The following UVRAG variants were observed in gnomAD, a reference collection of about 807,000 sequenced individuals.
The protein encoded by UVRAG is UV radiation resistance-associated gene protein.
Under a neutral mutation model 78.0 loss-of-function variants are expected in UVRAG, and 19 were observed. The observed-to-expected ratio is 0.24, with a 90% CI of 0.17 to 0.36. The LOEUF is 0.36. Among genes scored for constraint, UVRAG ranks in the 10% least tolerant of loss-of-function variants. The pLI is 1.00. For synonymous variants in UVRAG, 323 were observed against 324.6 expected, an observed-to-expected ratio of 1.00 and a Z score of 0.05; for missense variants, 740 against 853.8, an observed-to-expected ratio of 0.87 and a Z score of 1.66.
chr11:76,065,789 G>A lies in UVRAG; in HGVS notation c.1305+1G>A, dbSNP rs1386542785. ...TCTTCTGAACAAAAATATAGCACAG[G>A]TAAGTCTCTGTTCTTCACTTCTCTC... On this transcript the variant is annotated splice_donor_variant, in intron 13 of 14. Transcript: ENST00000356136. LOFTEE classifies it high-confidence loss of function. 1 of 1,613,140 alleles carries A rather than the reference G, an allele frequency of 6.2e-7. No homozygotes were observed. Among genetic ancestry groups the A allele is most frequent in the Admixed American group, 1.7e-5 (1 of 59,998 alleles).
Position 76,064,294 on chromosome 11 carries a change from G to A in UVRAG, c.1227-1416G>A, listed in dbSNP as rs576678662. 1.3e-4 allele frequency among the ~76,000 whole-genome samples: 20 copies of A among 152,326 alleles called. No homozygotes were observed. In the South Asian group the frequency reaches 3.9e-3, roughly 30 times the overall value. The stretch of plus-strand genomic sequence containing the variant: ...AACAGCTAGACAGCACAGAGGTTTA[G>A]GACCGTAGTAGATTTTCTCTAAAGT... On this transcript the variant is annotated intron_variant, in intron 12 of 14. Transcript: ENST00000356136.
At chr11:76,095,808 T>G (rs1444040015) in intron 13 of UVRAG, among the ~76,000 whole-genome samples, 1 of 149,440 alleles carries the variant, frequency 6.7e-6, no homozygotes, top group Non-Finnish European at 1.5e-5. Flanking sequence ...TAGTTTAAGG[T>G]TGCAGTGAGC....
chr11:75,988,156 A>C (rs1949537506), intron 8 of UVRAG, among the ~76,000 whole-genome samples: 1 of 152,188 alleles, frequency 6.6e-6, no homozygotes, highest in South Asian at 2.1e-4. Flanking sequence ...CAAATTAATC[A>C]ATTTAAAATA....
At chr11:75,867,025 A>G (rs1196117839) in intron 3 of UVRAG, among the ~76,000 whole-genome samples, 1 of 152,180 alleles carries the variant, frequency 6.6e-6, no homozygotes, top group Non-Finnish European at 1.5e-5. Flanking sequence ...TCCTATTAGC[A>G]ATAAAATATT....
intron 13 of UVRAG, among the ~76,000 whole-genome samples, chr11:76,091,942 G>A (rs1045313167): frequency 8.6e-5 from 13 of 151,750 alleles, no homozygotes; most frequent in Middle Eastern, 3.4e-3. Context: ...CCATTAATTC[G>A]TCATTTACAT....
At chr11:76,109,684 G>C (rs1952036155) in intron 13 of UVRAG, among the ~76,000 whole-genome samples, 1 of 152,192 alleles carries the variant, frequency 6.6e-6, no homozygotes, top group African/African-American at 2.4e-5. Flanking sequence ...TGAATGAATA[G>C]AACGTGTGGA....
At chr11:75,942,375 A>G (rs1177516249) in intron 6 of UVRAG, 5 of 152,502 alleles carry the variant, frequency 3.3e-5, no homozygotes, top group Non-Finnish European at 7.4e-5. Flanking sequence ...TAAAATATAT[A>G]TTTTTTCTTT....
At chr11:76,021,930 T>C (rs534950796) in intron 12 of UVRAG, among the ~76,000 whole-genome samples, 41 of 152,260 alleles carry the variant, frequency 2.7e-4, no homozygotes, top group African/African-American at 9.1e-4. Flanking sequence ...GGTGTGCACC[T>C]ATAGTCCCAG....
intron 6 of UVRAG, among the ~76,000 whole-genome samples, chr11:75,926,739 A>G (rs557788180): frequency 6.6e-6 from 1 of 152,206 alleles, no homozygotes; most frequent in South Asian, 2.1e-4. Context: ...GGCCAGGAAG[A>G]TAAATGATTT....
chr11:75,975,599 T>A (rs568161677), intron 7 of UVRAG, among the ~76,000 whole-genome samples: 2 of 152,352 alleles, frequency 1.3e-5, no homozygotes, highest in Admixed American at 6.5e-5. Context: ...GTAAGTTGGA[T>A]TCCTAGGTAT....
chr11:75,938,987 C>T (rs772286069), intron 6 of UVRAG, among the ~76,000 whole-genome samples: 8 of 152,082 alleles, frequency 5.3e-5, no homozygotes, highest in Non-Finnish European at 8.8e-5. Flanking sequence ...AGCATTAAGC[C>T]GGGGCAATTG....
chr11:75,946,010 A>T (rs1022967544), intron 6 of UVRAG, among the ~76,000 whole-genome samples: 1 of 152,166 alleles, frequency 6.6e-6, no homozygotes, highest in Non-Finnish European at 1.5e-5. Flanking sequence ...TGCTGTTATG[A>T]TTGTTTACAA....
chr11:76,136,229 A>C (rs1952595260), intron 14 of UVRAG, among the ~76,000 whole-genome samples: 1 of 152,192 alleles, frequency 6.6e-6, no homozygotes, highest in African/African-American at 2.4e-5. Context: ...GGTCTTTCTG[A>C]AAACCTTCCA....
At chr11:76,000,215 A>G (rs1411399317) in intron 8 of UVRAG, among the ~76,000 whole-genome samples, 1 of 152,246 alleles carries the variant, frequency 6.6e-6, no homozygotes, top group African/African-American at 2.4e-5. Flanking sequence ...TGAATATTCT[A>G]GTTACAAAAG....
intron 5 of UVRAG, among the ~76,000 whole-genome samples, chr11:75,907,486 G>A (rs767587791): frequency 3.3e-5 from 5 of 151,650 alleles, no homozygotes; most frequent in Non-Finnish European, 7.4e-5. Flanking sequence ...GTGTGTTGTG[G>A]TGTATTACAC....
At chr11:75,856,482 ACT>A (rs1451870903) in intron 2 of UVRAG, among the ~76,000 whole-genome samples, 1 of 151,706 alleles carries the variant, frequency 6.6e-6, no homozygotes, top group Non-Finnish European at 1.5e-5. Flanking sequence ...ACAGAGTCTG[ACT>A]CTGTCAACCA....
rs544109259 is a variant in UVRAG at position 75,843,314 on chromosome 11, G to T, written c.118-8569G>T. On this transcript the variant is annotated intron_variant, in intron 1 of 14. Transcript: ENST00000356136. ...GAAATGATCATTTTCTAAAATACGG[G>T]TATGTTTAATAAAGTGAAACATTTC... is the stretch of plus-strand genomic sequence containing the variant. 3.9e-5 allele frequency among the ~76,000 whole-genome samples: 6 copies of T among 152,240 alleles called. No homozygotes were observed. The East Asian group carries it at 9.6e-4, about 24-fold the overall frequency.
intron 3 of UVRAG, among the ~76,000 whole-genome samples, chr11:75,866,376 T>TAAAATAAAATA (rs1555077122): frequency 2.7e-5 from 4 of 150,344 alleles, no homozygotes; most frequent in Admixed American, 2.6e-4. Flanking sequence ...AATAAATAAA[T>TAAAATAAAATA]AAATAAAATA....
At chr11:75,887,985 C>G (rs1040419564) in intron 4 of UVRAG, among the ~76,000 whole-genome samples, 2 of 151,990 alleles carry the variant, frequency 1.3e-5, no homozygotes, top group African/African-American at 4.8e-5. Flanking sequence ...GGTTTGCAGA[C>G]AATAATAGAA....
Sources: gnomAD v4.1 joint callset for allele counts (sites outside exome capture counted in the v4.1 genomes callset) on GRCh38, gnomAD v4.1.1 for gene constraint, MANE v1.5 for transcripts, NCBI Gene and HGNC (gene_info 2026-07-23, HGNC 2026-07-21) for gene names.